The following ZNF786 variants were observed in gnomAD, a reference collection of about 807,000 sequenced individuals.
The protein encoded by ZNF786 is zinc finger protein 786.
ZNF786 carries 56 observed loss-of-function variants against 63.1 expected under a neutral mutation model. That is an observed-to-expected ratio of 0.89 (90% CI 0.72 to 1.11). ZNF786 has a LOEUF of 1.11. ZNF786 is among the 50% of genes least tolerant of loss of function. The pLI is 0.00. For missense variants in ZNF786, 1,213 were observed against 1,041.8 expected (o/e 1.16, Z -2.26); for synonymous variants, 485 against 406.9 (o/e 1.19, Z -2.31).
At chr7:149,078,466 C>T (rs778232081) in intron 2 of ZNF786, among the ~76,000 whole-genome samples, 4 of 152,044 alleles carry the variant, frequency 2.6e-5, no homozygotes, top group Admixed American at 6.6e-5. Flanking sequence ...GGGTGAATCA[C>T]CTGAGGTCGG....
Position 149,070,317 on chromosome 7 carries a change from A to G in ZNF786, c.*106T>C, listed in dbSNP as rs1284771749. 3 of 1,452,538 alleles carry G rather than the reference A, an allele frequency of 2.1e-6. No individual in the cohort carries two copies. Among genetic ancestry groups the G allele is most frequent in the Non-Finnish European group, 2.8e-6 (3 of 1,075,490 alleles). The allele number at this position is 1,452,538 out of a possible 1,614,324, so 90.0% of individuals were successfully genotyped here. ...CTTGCATGACACTCTTGCTCAAAGA[A>G]GGATACCTGCTCCTAAAACCCGTCT... On this transcript the variant is annotated 3_prime_UTR_variant, in exon 4 of 4. Coordinates refer to ENST00000491431, the MANE Select transcript of ZNF786 (RefSeq NM_152411.4).
At position 149,071,069 on chromosome 7, in the gene ZNF786, C is replaced by T. The variant is rs964968086; in HGVS notation, c.1703G>A (p.Gly568Glu). 46 of 1,611,650 alleles carry T rather than the reference C, an allele frequency of 2.9e-5. No individual in the cohort carries two copies. Among genetic ancestry groups the T allele is most frequent in the Non-Finnish European group, 3.8e-5 (45 of 1,179,576 alleles). Residue 568 changes from glycine to glutamate, a missense_variant, in exon 4 of 4, where the codon GGG (glycine) becomes GAG (glutamate). Physicochemically the swap from Gly to Glu is moderately conservative, Grantham distance 98. Transcript: ENST00000491431. ...THSKERPFSC[G>E]ECGKGFTRQS... ...TCTGGTGAAGCCCTTGCCACACTCC[C>T]CGCACGAGAACGGCCTCTCCTTGCT...
chr7:149,071,900 T>C lies in ZNF786; in HGVS notation c.872A>G (p.Gln291Arg), dbSNP rs777732057. ...GGTGCACTGGGCAGGCTTCTCCCCC[T>C]GCTGCGGGAGGCGGTGGCTGGGATG... ...LTHPSHRLPQ[Q>R]GEKPAQCTPC... The change falls in exon 4 of 4, where the codon CAG becomes CGG. Residue 291 changes from glutamine to arginine, a missense_variant. Transcript: ENST00000491431. 6.2e-7 allele frequency: 1 copy of C among 1,604,682 alleles called. No individual in the cohort carries two copies. The highest frequency in any genetic ancestry group is 8.5e-7 in the Non-Finnish European group (1 of 1,176,704).
chr7:149,084,459 T>C (rs1259251878), intron 1 of ZNF786, among the ~76,000 whole-genome samples: 2 of 149,808 alleles, frequency 1.3e-5, no homozygotes, highest in African/African-American at 2.4e-5. Flanking sequence ...CAGCAGTGTA[T>C]ATGTGTTCTC....
intron 3 of ZNF786, among the ~76,000 whole-genome samples, chr7:149,073,195 C>T (rs1002264085): frequency 6.6e-6 from 1 of 152,118 alleles, no homozygotes; most frequent in African/African-American, 2.4e-5. Context: ...GAAAGAAGCA[C>T]CTAAAAACAA....
chr7:149,077,735 C>G (rs1354820132), intron 2 of ZNF786, among the ~76,000 whole-genome samples: 2 of 152,146 alleles, frequency 1.3e-5, no homozygotes, highest in East Asian at 1.9e-4. Flanking sequence ...AGGTGGATCA[C>G]TTGACCTCAA....
Position 149,070,503 on chromosome 7 carries a change from A to T in ZNF786, c.2269T>A (p.Ser757Thr), listed in dbSNP as rs747377480. The change falls in exon 4 of 4, where the codon TCC becomes ACC. Residue 757 changes from serine to threonine, a missense_variant. Transcript: ENST00000491431. ...TCCAGTTCATTTGGAGCAGGACAGG[A>T]TTTTGTGTGTACTCTGATGTGCTCC... ...LAEHIRVHTK[S>T]CPAPNELDIK... is the part of the protein sequence containing the mutation. 1 of 1,613,988 alleles carries T rather than the reference A, an allele frequency of 6.2e-7. No individual in the cohort carries two copies. Among genetic ancestry groups the T allele is most frequent in the Non-Finnish European group, 8.5e-7 (1 of 1,179,898 alleles).
chr7:149,072,849 G>A (rs1305503510), intron 3 of ZNF786, among the ~76,000 whole-genome samples: 2 of 152,196 alleles, frequency 1.3e-5, no homozygotes, highest in East Asian at 1.9e-4. Context: ...AGATTACTGT[G>A]AGAATTAAAT....
rs1208057973 is a variant in ZNF786, at chr7:149,070,536, T to C, written c.2236A>G (p.Lys746Glu). The C allele has an allele frequency of 1.2e-6, 2 of 1,613,938 alleles. No homozygotes were observed. The highest frequency in any genetic ancestry group is 2.2e-5 in the East Asian group (1 of 44,898). The change falls in exon 4 of 4, where the codon AAG (lysine) becomes GAG (glutamate). Residue 746 changes from lysine to glutamate, a missense_variant. Coordinates refer to ENST00000491431, the MANE Select transcript of ZNF786 (RefSeq NM_152411.4). ...TGTACTCTGATGTGCTCCGCAAGCT[T>C]AGACTTGTAAATGAAGCCCTTCCCA... The part of the protein sequence containing the change: ...DCGKGFIYKS[K>E]LAEHIRVHTK...
chr7:149,090,484 C>T, intron 1 of ZNF786, 139 bp downstream of exon 1: 1 of 1,021,436 alleles, frequency 9.8e-7, no homozygotes, highest in Non-Finnish European at 1.3e-6. Context: ...ATCCACATCC[C>T]CAGCAGAAGC....
intron 1 of ZNF786, chr7:149,082,574 T>G: frequency 1.2e-6 from 1 of 847,388 alleles, no homozygotes; most frequent in Non-Finnish European, 1.4e-6. Context: ...GTTTATCTTG[T>G]TCCAACTTAA....
rs774415501 is a variant in ZNF786, at chr7:149,080,601, G to C, written c.135C>G (p.Leu45=). 6.2e-7 allele frequency: 1 copy of C among 1,609,614 alleles called. No homozygotes were observed. The highest frequency in any genetic ancestry group is 8.5e-7 in the Non-Finnish European group (1 of 1,178,484). ...GTGAACAGGTCTTACCTAGAGAGAC[G>C]AGAGTCTCATAATTGCTTCTCATCA... ...KHVMRSNYET[L]VSLDDGLPKP... is the part of the protein sequence containing the mutation. Residue 45 remains leucine, a synonymous_variant, in exon 2 of 4, where the codon CTC becomes CTG. Coordinates refer to ENST00000491431, the MANE Select transcript of ZNF786 (RefSeq NM_152411.4).
Position 149,070,920 on chromosome 7 carries a change from C to G in ZNF786, c.1852G>C (p.Glu618Gln). 6.2e-7 allele frequency: 1 copy of G among 1,613,762 alleles called. No individual in the cohort carries two copies. The highest frequency in any genetic ancestry group is 8.5e-7 in the Non-Finnish European group (1 of 1,179,984). ...CACTCCGGACACTGGAAGGGCCTCT[C>G]TCCCGTGTGCAGGCGCTGATGGCTG... ...LLSHQRLHTGERPFQCPECDK... is the reference protein window; with the variant it reads ...LLSHQRLHTGQRPFQCPECDK... The change falls in exon 4 of 4, where the codon GAG becomes CAG. Residue 618 changes from glutamate to glutamine, a missense_variant. Glu to Gln is a conservative substitution (Grantham distance 29). Transcript: ENST00000491431.
At chr7:149,083,505 G>A (rs550045574) in intron 1 of ZNF786, among the ~76,000 whole-genome samples, 12 of 152,218 alleles carry the variant, frequency 7.9e-5, no homozygotes, top group South Asian at 4.1e-4. Flanking sequence ...GTGATCCACC[G>A]CGCCCGGCCA....
chr7:149,079,509 A>C (rs1447074728), intron 2 of ZNF786, among the ~76,000 whole-genome samples: 1 of 152,022 alleles, frequency 6.6e-6, no homozygotes, highest in Non-Finnish European at 1.5e-5. Context: ...GAAATATAAA[A>C]ACCAAATAAG....
chr7:149,076,372 C>T (rs1003103096), intron 2 of ZNF786, among the ~76,000 whole-genome samples: 1 of 150,986 alleles, frequency 6.6e-6, no homozygotes, highest in African/African-American at 2.4e-5. Context: ...GCCTCGGCCT[C>T]CCAAAGTGCT....
chr7:149,088,565 TTC>T (rs1208086779), intron 1 of ZNF786, among the ~76,000 whole-genome samples: 1 of 152,244 alleles, frequency 6.6e-6, no homozygotes, highest in Non-Finnish European at 1.5e-5. Flanking sequence ...TTCTCTCCTC[TTC>T]TCTGATTAAA....
intron 1 of ZNF786, among the ~76,000 whole-genome samples, chr7:149,089,488 G>A (rs935901990): frequency 1.3e-5 from 2 of 151,072 alleles, no homozygotes; most frequent in Non-Finnish European, 2.9e-5. Context: ...GCTAATTTTC[G>A]TATTTTTTAG....
intron 2 of ZNF786, among the ~76,000 whole-genome samples, chr7:149,078,667 A>G (rs989792585): frequency 5.9e-5 from 9 of 152,034 alleles, no homozygotes; most frequent in Non-Finnish European, 1.2e-4. Flanking sequence ...CTGGGCAACA[A>G]GAGTGAAACT....
Sources: gnomAD v4.1 joint callset for allele counts (sites outside exome capture counted in the v4.1 genomes callset) on GRCh38, gnomAD v4.1.1 for gene constraint, MANE v1.5 for transcripts, NCBI Gene and HGNC (gene_info 2026-07-23, HGNC 2026-07-21) for gene names.